The following LOC128092252 variants were observed in gnomAD, a reference collection of about 807,000 sequenced individuals.
the LOC128092252 span, among the ~76,000 whole-genome samples, chr15:50,682,036 G>C: frequency 0.14 from 20,816 of 151,868 alleles, 1,458 homozygotes; most frequent in Middle Eastern, 0.2. Context: ...AAATTAGTCA[G>C]GCATGGTGGC....
chr15:50,678,014 C>T, the LOC128092252 span, among the ~76,000 whole-genome samples: 14 of 151,426 alleles, frequency 9.2e-5, no homozygotes, highest in Non-Finnish European at 2.1e-4. Flanking sequence ...CCGAGGCGGG[C>T]GGATCACGAG....
chr15:50,648,825 T>C, the LOC128092252 span: 6 of 1,613,098 alleles, frequency 3.7e-6, no homozygotes, highest in Non-Finnish European at 5.1e-6. Flanking sequence ...CATCTGAGTA[T>C]TTCATGGCAA....
At chr15:50,678,011 G>A in the LOC128092252 span, among the ~76,000 whole-genome samples, 3 of 151,506 alleles carry the variant, frequency 2.0e-5, no homozygotes, top group East Asian at 3.9e-4. Context: ...AGGCCGAGGC[G>A]GGCGGATCAC....
the LOC128092252 span, among the ~76,000 whole-genome samples, chr15:50,652,328 C>CAAAAAAAAAAAAAAAAAAAAAA: frequency 8.8e-5 from 3 of 34,228 alleles, 1 homozygote; most frequent in African/African-American, 2.9e-4. Flanking sequence ...GACTCCATCT[C>CAAAAAAAAAAAAAAAAAAAAAA]AAAAAAAAAA....
chr15:50,685,411 CGCG>C, the LOC128092252 span, among the ~76,000 whole-genome samples: 1 of 152,176 alleles, frequency 6.6e-6, no homozygotes, highest in African/African-American at 2.4e-5. Context: ...GAGCGGAGAT[CGCG>C]CCACTTCACT....
the LOC128092252 span, among the ~76,000 whole-genome samples, chr15:50,665,678 T>C: frequency 3.9e-5 from 6 of 152,270 alleles, no homozygotes; most frequent in East Asian, 1.2e-3. Flanking sequence ...GGAAAATGTA[T>C]AGGCTTAAGT....
chr15:50,679,538 A>ATTTTT, the LOC128092252 span, among the ~76,000 whole-genome samples: 15 of 43,898 alleles, frequency 3.4e-4, no homozygotes, highest in African/African-American at 1.4e-3. Flanking sequence ...ATATATATAT[A>ATTTTT]TTTTTTTTTT....
the LOC128092252 span, among the ~76,000 whole-genome samples, chr15:50,658,892 C>T: frequency 2.6e-5 from 4 of 152,118 alleles, no homozygotes; most frequent in South Asian, 2.1e-4. Flanking sequence ...ATTAAATAGG[C>T]TGCAACAATT....
At chr15:50,653,728 C>G in the LOC128092252 span, among the ~76,000 whole-genome samples, 1 of 151,906 alleles carries the variant, frequency 6.6e-6, no homozygotes, top group Non-Finnish European at 1.5e-5. Flanking sequence ...AGCAGAGTTA[C>G]CAGAGAAAAG....
chr15:50,650,962 G>A, the LOC128092252 span, among the ~76,000 whole-genome samples: 1 of 152,172 alleles, frequency 6.6e-6, no homozygotes, highest in African/African-American at 2.4e-5. Context: ...ATGGAGACCG[G>A]CAGTTTGCTT....
the LOC128092252 span, among the ~76,000 whole-genome samples, chr15:50,671,108 T>A: frequency 9.2e-5 from 14 of 152,314 alleles, no homozygotes; most frequent in African/African-American, 3.4e-4. Context: ...AAAAATACAT[T>A]GTTATTTAGC....
the LOC128092252 span, among the ~76,000 whole-genome samples, chr15:50,679,535 TA>T: frequency 0.14 from 6,011 of 44,064 alleles, 248 homozygotes; most frequent in Non-Finnish European, 0.17. Context: ...TATATATATA[TA>T]TATTTTTTTT....
chr15:50,648,809 A>G, the LOC128092252 span: 4 of 1,613,372 alleles, frequency 2.5e-6, no homozygotes, highest in Non-Finnish European at 1.7e-6. Context: ...TGGTCACCCA[A>G]TTTCACATCT....
the LOC128092252 span, among the ~76,000 whole-genome samples, chr15:50,667,129 A>T: frequency 6.6e-6 from 1 of 151,972 alleles, no homozygotes; most frequent in Non-Finnish European, 1.5e-5. Context: ...TGATTGGCCG[A>T]CTCTGGGGGT....
chr15:50,680,550 CAG>C, the LOC128092252 span, among the ~76,000 whole-genome samples: 2 of 148,448 alleles, frequency 1.3e-5, no homozygotes, highest in South Asian at 2.1e-4. Flanking sequence ...GCCTAATTGA[CAG>C]AGAGAGACAC....
chr15:50,679,228 G>C, the LOC128092252 span, among the ~76,000 whole-genome samples: 2 of 151,310 alleles, frequency 1.3e-5, no homozygotes, highest in East Asian at 1.9e-4. Context: ...TTAGGTACTT[G>C]GGAGGCTGAA....
the LOC128092252 span, among the ~76,000 whole-genome samples, chr15:50,671,846 A>G: frequency 2.0e-4 from 31 of 152,240 alleles, no homozygotes; most frequent in South Asian, 5.8e-3. Flanking sequence ...CGCAGCCATC[A>G]TAAGTTCATA....
the LOC128092252 span, among the ~76,000 whole-genome samples, chr15:50,673,744 C>T: frequency 9.2e-4 from 140 of 152,206 alleles, 1 homozygote; most frequent in African/African-American, 3.2e-3. Context: ...AACATGCGTA[C>T]GCAAGTATCT....
the LOC128092252 span, among the ~76,000 whole-genome samples, chr15:50,657,365 G>A: frequency 6.6e-6 from 1 of 152,148 alleles, no homozygotes; most frequent in Non-Finnish European, 1.5e-5. Flanking sequence ...TTAATTGCCT[G>A]TACAATATCC....
Sources: gnomAD v4.1 joint callset for allele counts (sites outside exome capture counted in the v4.1 genomes callset) on GRCh38, gnomAD v4.1.1 for gene constraint, MANE v1.5 for transcripts.